MYLK: variants seen among roughly 807,000 people sequenced by gnomAD.
MYLK encodes myosin light chain kinase, also known as myosin light chain kinase, smooth muscle.
Under a neutral mutation model 203.4 loss-of-function variants are expected in MYLK, and 106 were observed. The ratio of observed to expected loss-of-function variants is 0.52; its 90% CI spans 0.45 to 0.61. The LOEUF is 0.61. MYLK is among the 20% of genes least tolerant of loss of function. The pLI, the probability that MYLK is intolerant of heterozygous loss-of-function variation, is 0.00. For missense variants in MYLK, 2,072 were observed against 2,442.3 expected (o/e 0.85, Z 3.20); for synonymous variants, 867 against 959.5 (o/e 0.90, Z 1.78).
chr3:123,792,633 T>C (rs1401780700), intron 4 of MYLK, among the ~76,000 whole-genome samples: 1 of 152,206 alleles, frequency 6.6e-6, no homozygotes, highest in Non-Finnish European at 1.5e-5. Flanking sequence ...TTCCTTTTTA[T>C]AGTCATCTAA....
chr3:123,670,826 T>C (rs1400606928), intron 20 of MYLK, among the ~76,000 whole-genome samples: 1 of 152,262 alleles, frequency 6.6e-6, no homozygotes, highest in Non-Finnish European at 1.5e-5. Context: ...AGGTGGTTAG[T>C]AGCTATCACA....
At position 123,700,821 on chromosome 3, in the gene MYLK, T is replaced by C; in HGVS notation, c.2647A>G (p.Thr883Ala). ...TCCTGCTGGCGGATCGCCTCCTCAGTGTGCTGCCTCGTCTCCACGCGCCTC... is the reference window on the plus strand; with the variant it reads ...TCCTGCTGGCGGATCGCCTCCTCAGCGTGCTGCCTCGTCTCCACGCGCCTC... ...LKRRVETRQH[T>A]EEAIRQQEVE... The change falls in exon 18 of 34, where the codon ACT becomes GCT. Residue 883 changes from threonine (T) to alanine (A), a missense_variant. Thr to Ala is a moderately conservative substitution (Grantham distance 58). Coordinates refer to ENST00000360304, the MANE Select transcript of MYLK (RefSeq NM_053025.4). 1 of 1,614,186 alleles carries C rather than the reference T, an allele frequency of 6.2e-7. No individual in the cohort carries two copies. Among genetic ancestry groups the C allele is most frequent in the Non-Finnish European group, 8.5e-7 (1 of 1,180,040 alleles).
chr3:123,628,650 C>G (rs147691080), intron 30 of MYLK, among the ~76,000 whole-genome samples: 1 of 152,236 alleles, frequency 6.6e-6, no homozygotes, highest in Non-Finnish European at 1.5e-5. Flanking sequence ...ACATGCAGAG[C>G]CCAGGACAGT....
chr3:123,810,832 C>A (rs2065533745), intron 3 of MYLK, among the ~76,000 whole-genome samples: 1 of 152,236 alleles, frequency 6.6e-6, no homozygotes. Flanking sequence ...GTCTGCAGGG[C>A]AGTCAGTGAT....
At chr3:123,774,924 T>C (rs1272644748) in intron 4 of MYLK, among the ~76,000 whole-genome samples, 1 of 152,222 alleles carries the variant, frequency 6.6e-6, no homozygotes, top group Non-Finnish European at 1.5e-5. Flanking sequence ...TCACCGTTAC[T>C]GTGCTAGACA....
chr3:123,862,319 A>T (rs1269958202), intron 2 of MYLK, among the ~76,000 whole-genome samples: 1 of 152,230 alleles, frequency 6.6e-6, no homozygotes, highest in Admixed American at 6.5e-5. Flanking sequence ...CCTTGACCAC[A>T]TTCTTAAAAT....
intron 4 of MYLK, among the ~76,000 whole-genome samples, chr3:123,771,440 C>T (rs2063879633): frequency 6.6e-6 from 1 of 152,082 alleles, no homozygotes; most frequent in South Asian, 2.1e-4. Context: ...ATTTCTAAGA[C>T]CAGTCCTTAA....
rs115690852 is a variant in MYLK, at chr3:123,855,266, C to T, written c.-127+21293G>A. ...TCATTTACCTTCCATACCTTTAAAC[C>T]GTTCTTTCATGTTTTTGACATCTTT... On this transcript the variant is annotated intron_variant, in intron 2 of 33. Coordinates refer to ENST00000360304, the MANE Select transcript of MYLK (RefSeq NM_053025.4). 6.4e-4 allele frequency among the ~76,000 whole-genome samples: 97 copies of T among 152,012 alleles called. 2 individuals carry two copies. The South Asian group carries it at 0.011, about 17-fold the overall frequency.
Position 123,831,564 on chromosome 3 carries a change from G to T in MYLK, c.-20C>A. ...TTCACTCACCACCGTCTTCTCTGTT[G>T]TTTGTTGTGGCAACTGGGCCAGTGG... On this transcript the variant is annotated 5_prime_UTR_variant, in exon 3 of 34. Coordinates refer to ENST00000360304, the MANE Select transcript of MYLK (RefSeq NM_053025.4). 1 of 489,968 alleles carries T rather than the reference G, an allele frequency of 2.0e-6. No individual in the cohort carries two copies. The highest frequency in any genetic ancestry group is 1.1e-4 in the East Asian group (1 of 9,430). The allele number at this position is 489,968 out of a possible 1,614,324, so 30.4% of individuals were successfully genotyped here.
chr3:123,742,978 G>C (rs1315397688), intron 5 of MYLK, among the ~76,000 whole-genome samples: 2 of 152,092 alleles, frequency 1.3e-5, no homozygotes, highest in Non-Finnish European at 2.9e-5. Flanking sequence ...GGAGGGGATG[G>C]GGAATTAATG....
chr3:123,826,062 C>T (rs2066108403), intron 3 of MYLK, among the ~76,000 whole-genome samples: 1 of 152,170 alleles, frequency 6.6e-6, no homozygotes, highest in Non-Finnish European at 1.5e-5. Flanking sequence ...TGTACCACCC[C>T]CACCCCCAAA....
chr3:123,793,546 G>A (rs934897974), intron 4 of MYLK, 131 bp downstream of exon 4: 78 of 1,027,710 alleles, frequency 7.6e-5, no homozygotes, highest in African/African-American at 5.7e-4. Flanking sequence ...GCACAGGTTC[G>A]TTTTACATGA....
chr3:123,829,105 A>C (rs1257151886), intron 3 of MYLK, among the ~76,000 whole-genome samples: 1 of 152,238 alleles, frequency 6.6e-6, no homozygotes, highest in African/African-American at 2.4e-5. Flanking sequence ...ATTTATCCAA[A>C]GGAAAAAAGG....
chr3:123,680,015 C>G (rs1402708240), intron 20 of MYLK, among the ~76,000 whole-genome samples: 2 of 152,174 alleles, frequency 1.3e-5, no homozygotes, highest in Non-Finnish European at 2.9e-5. Context: ...AATACTGAGG[C>G]CTGGCACCCA....
intron 3 of MYLK, among the ~76,000 whole-genome samples, chr3:123,824,872 G>T (rs981911568): frequency 6.6e-6 from 1 of 152,108 alleles, no homozygotes; most frequent in Non-Finnish European, 1.5e-5. Flanking sequence ...CATAAGGCTG[G>T]GTTCGTTGGC....
intron 3 of MYLK, among the ~76,000 whole-genome samples, chr3:123,795,163 A>G (rs1238691963): frequency 6.6e-6 from 1 of 152,232 alleles, no homozygotes; most frequent in African/African-American, 2.4e-5. Context: ...CATATCTTAC[A>G]TGGTTGAAAG....
rs1016337671 is a variant in MYLK, at chr3:123,611,429, A to G, written c.*2676T>C. Reference sequence around the variant, plus strand: ...CAATTCAAACCATGCCCTGGTAAATAGTATCATCAGTGATGATGATGATGA... The same window carrying G: ...CAATTCAAACCATGCCCTGGTAAATGGTATCATCAGTGATGATGATGATGA... On this transcript the variant is annotated 3_prime_UTR_variant, in exon 34 of 34. Transcript: ENST00000360304. 4.3e-5 allele frequency: 6 copies of G among 140,302 alleles called. No individual in the cohort carries two copies. The highest frequency in any genetic ancestry group is 6.2e-5 in the African/African-American group (2 of 32,390). The allele number at this position is 140,302 out of a possible 1,614,324, so 8.7% of individuals were successfully genotyped here. A position where few individuals can be genotyped will look rare whatever the true frequency, so the allele number is the denominator to read the frequency against.
chr3:123,820,357 T>C (rs926780174), intron 3 of MYLK, among the ~76,000 whole-genome samples: 11 of 152,170 alleles, frequency 7.2e-5, no homozygotes, highest in Non-Finnish European at 2.9e-5. Context: ...GGAACACAGT[T>C]AAGGATAAGG....
chr3:123,768,355 G>A (rs190788314), intron 4 of MYLK, among the ~76,000 whole-genome samples: 45 of 152,306 alleles, frequency 3.0e-4, no homozygotes, highest in African/African-American at 1.0e-3. Flanking sequence ...CTGCCCCTGG[G>A]AAGGACTGCC....
Sources: allele counts gnomAD v4.1 joint callset (sites outside exome capture counted in the v4.1 genomes callset), GRCh38; gene constraint gnomAD v4.1.1; transcripts MANE v1.5; gene names NCBI Gene and HGNC (gene_info 2026-07-23, HGNC 2026-07-21).